The following EPHX2 variants were observed in gnomAD, a reference collection of about 807,000 sequenced individuals.
EPHX2 encodes the protein bifunctional epoxide hydrolase 2.
EPHX2 carries 74 observed loss-of-function variants against 78.7 expected under a neutral mutation model. The observed-to-expected ratio is 0.94, with a 90% confidence interval of 0.78 to 1.14. The LOEUF (loss-of-function observed/expected upper bound fraction) is 1.14. Among genes scored for constraint, EPHX2 ranks in the 50% most tolerant of loss-of-function variants. The pLI is 0.00. For synonymous variants in EPHX2, 251 were observed against 255.2 expected (o/e 0.98, Z 0.16); for missense variants, 715 against 702.5 (o/e 1.02, Z -0.20).
intron 12 of EPHX2, among the ~76,000 whole-genome samples, chr8:27,534,642 T>TA (rs1815153070): frequency 6.6e-6 from 1 of 151,172 alleles, no homozygotes; most frequent in Admixed American, 6.6e-5. Flanking sequence ...AGACTCCATC[T>TA]AAAAAAAATA....
chr8:27,510,515 C>G (rs987035488), intron 5 of EPHX2, among the ~76,000 whole-genome samples: 2 of 152,126 alleles, frequency 1.3e-5, no homozygotes, highest in African/African-American at 4.8e-5. Context: ...AGACTGTGTC[C>G]CCCAAAATTA....
At chr8:27,530,096 G>T (rs1285954161) in intron 12 of EPHX2, among the ~76,000 whole-genome samples, 1 of 150,370 alleles carries the variant, frequency 6.7e-6, no homozygotes, top group Non-Finnish European at 1.5e-5. Flanking sequence ...GTGTTGCCCA[G>T]GCTGGTCTCT....
intron 7 of EPHX2, 35 bp from the exon 8 acceptor site, chr8:27,516,285 G>A (rs763063992): frequency 3.4e-5 from 55 of 1,595,306 alleles, no homozygotes; most frequent in Non-Finnish European, 4.4e-5. Context: ...TAGGACTGAT[G>A]GGACCATGCT....
intron 12 of EPHX2, among the ~76,000 whole-genome samples, chr8:27,534,289 C>G (rs1047561141): frequency 5.3e-5 from 8 of 152,220 alleles, no homozygotes; most frequent in Non-Finnish European, 1.0e-4. Flanking sequence ...TGATCAATGT[C>G]TCCATTCTTC....
Position 27,536,842 on chromosome 8 carries a change from G to A in EPHX2, c.1229G>A (p.Arg410Lys). Residue 410 changes from arginine (R) to lysine (K), a missense_variant, in exon 13 of 19, where the codon AGA (arginine) becomes AAA (lysine). Transcript: ENST00000521400. The stretch of plus-strand genomic sequence containing the variant: ...AGTCGGACTTTCAAAAGCCTCTTCA[G>A]AGCAAGCGATGAGGTGAGGGGTGGG... ...NLSRTFKSLFRASDESVLSMH... is the reference protein window; with the variant it reads ...NLSRTFKSLFKASDESVLSMH... The A allele has an allele frequency of 1.2e-6, 2 of 1,613,838 alleles. No homozygotes were observed. Among genetic ancestry groups the A allele is most frequent in the Non-Finnish European group, 1.7e-6 (2 of 1,179,928 alleles).
At chr8:27,541,623 C>A (rs922872577) in intron 16 of EPHX2, 81 bp downstream of exon 16, 2 of 1,475,596 alleles carry the variant, frequency 1.4e-6, no homozygotes, top group Non-Finnish European at 1.9e-6. Context: ...GCTGATATGA[C>A]CTGGGCCAGA....
At chr8:27,530,953 G>A (rs1466287551) in intron 12 of EPHX2, among the ~76,000 whole-genome samples, 2 of 151,404 alleles carry the variant, frequency 1.3e-5, no homozygotes, top group African/African-American at 2.4e-5. Flanking sequence ...AGTAGAGATG[G>A]GGTTTCTCCA....
intron 1 of EPHX2, among the ~76,000 whole-genome samples, chr8:27,491,926 T>C (rs1813393183): frequency 6.6e-6 from 1 of 151,976 alleles, no homozygotes; most frequent in African/African-American, 2.4e-5. Flanking sequence ...ATGTAATGAT[T>C]TTCTTTCTCT....
Position 27,506,893 on chromosome 8 carries a change from G to C in EPHX2, c.559G>C (p.Gly187Arg). ...PSEVVFLDDI[G>R]ANLKPARDLG... ...TCAGGTCGTTTTTTTGGATGACATC[G>C]GGGCTAATCTGAAGCCAGCCCGTGA... Residue 187 changes from glycine to arginine, a missense_variant, in exon 5 of 19, where the codon GGG becomes CGG. Transcript: ENST00000521400. The C allele has an allele frequency of 6.2e-7, 1 of 1,613,932 alleles. No individual in the cohort carries two copies. Among genetic ancestry groups the C allele is most frequent in the South Asian group, 1.1e-5 (1 of 91,062 alleles).
At chr8:27,513,207 G>C (rs951802913) in intron 6 of EPHX2, among the ~76,000 whole-genome samples, 4 of 152,202 alleles carry the variant, frequency 2.6e-5, no homozygotes, top group Admixed American at 2.6e-4. Context: ...CCAGGCACGA[G>C]TGGGTTTGCA....
At chr8:27,497,482 C>A (rs763113819) in intron 1 of EPHX2, among the ~76,000 whole-genome samples, 1 of 152,200 alleles carries the variant, frequency 6.6e-6, no homozygotes, top group South Asian at 2.1e-4. Flanking sequence ...ACTAAGGCTG[C>A]GGCCTTTCTC....
chr8:27,509,996 C>T (rs924260383), intron 5 of EPHX2, among the ~76,000 whole-genome samples: 3 of 152,186 alleles, frequency 2.0e-5, no homozygotes, highest in African/African-American at 7.2e-5. Flanking sequence ...GCCTTGGCTC[C>T]CGCCCGACCA....
intron 5 of EPHX2, among the ~76,000 whole-genome samples, chr8:27,509,280 A>G (rs576597256): frequency 9.3e-4 from 141 of 152,132 alleles, no homozygotes; most frequent in Non-Finnish European, 1.7e-3. Flanking sequence ...TGAGCTATCC[A>G]AGGACGCCTG....
rs1252015587 is a variant in EPHX2 at position 27,520,927 on chromosome 8, A to G, written c.972+18A>G. On this transcript the variant is annotated intron_variant, in intron 10 of 18. Coordinates refer to ENST00000521400, the MANE Select transcript of EPHX2 (RefSeq NM_001979.6). ...ATAAACTGGTAAGTCATTATTTTGA[A>G]CTGATATCTTTGGAGAATTCCTTTG... 4 of 1,613,906 alleles carry G rather than the reference A, an allele frequency of 2.5e-6. No individual in the cohort carries two copies. The highest frequency in any genetic ancestry group is 2.2e-5 in the South Asian group (2 of 91,078).
At chr8:27,536,926 G>A (rs1213470919) in intron 13 of EPHX2, 71 bp downstream of exon 13, 14 of 1,539,718 alleles carry the variant, frequency 9.1e-6, no homozygotes, top group Non-Finnish European at 1.2e-5. Context: ...CCTAGTGTGT[G>A]GCAGGGACCA....
In EPHX2 at chr8:27,506,866, G is replaced by T; in HGVS notation, c.538-6G>T. 1 of 1,613,624 alleles carries T rather than the reference G, an allele frequency of 6.2e-7. No individual in the cohort carries two copies. Among genetic ancestry groups the T allele is most frequent in the Non-Finnish European group, 8.5e-7 (1 of 1,179,792 alleles). ...CTGAGATTCTCCCATGCTGTTTTGG[G>T]CTCAGGTCGTTTTTTTGGATGACAT... On this transcript the variant is annotated splice_polypyrimidine_tract_variant and splice_region_variant and intron_variant, in intron 4 of 18. Transcript: ENST00000521400.
chr8:27,544,503 C>T lies in EPHX2; in HGVS notation c.1649C>T (p.Pro550Leu), dbSNP rs4987060. 235 of 1,613,926 alleles carry T rather than the reference C, an allele frequency of 1.5e-4. No individual in the cohort carries two copies. In the African/African-American group the frequency reaches 1.7e-3, roughly 12 times the overall value. ...CTGGATTCTGATGCCCGGAACCCAC[C>T]GGTGGTCTCAAAGATGTAGAACGCA... ...KWLDSDARNP[P>L]VVSKM The change falls in exon 19 of 19, where the codon CCG (proline) becomes CTG (leucine). Residue 550 changes from proline (P) to leucine (L), a missense_variant. Transcript: ENST00000521400.
chr8:27,537,919 C>G (rs969729776), intron 13 of EPHX2, among the ~76,000 whole-genome samples: 2 of 152,108 alleles, frequency 1.3e-5, no homozygotes, highest in Non-Finnish European at 2.9e-5. Context: ...AGTACTTAAT[C>G]TGTACCCATC....
chr8:27,515,949 G>A (rs904824217), intron 7 of EPHX2, 136 bp downstream of exon 7: 25 of 792,554 alleles, frequency 3.2e-5, no homozygotes, highest in Non-Finnish European at 4.8e-5. Flanking sequence ...CCAGGTTGGG[G>A]CAGGAGGGTG....
Sources: gnomAD v4.1 joint callset for allele counts (sites outside exome capture counted in the v4.1 genomes callset) on GRCh38, gnomAD v4.1.1 for gene constraint, MANE v1.5 for transcripts, NCBI Gene and HGNC (gene_info 2026-07-23, HGNC 2026-07-21) for gene names.